HHIP: variants seen among roughly 807,000 people sequenced by gnomAD.
The protein encoded by HHIP is hedgehog interacting protein, also known as hedgehog-interacting protein.
Under a neutral mutation model 74.0 loss-of-function variants are expected in HHIP, and 12 were observed. The ratio of observed to expected loss-of-function variants is 0.16; its 90% confidence interval spans 0.10 to 0.26. The LOEUF (loss-of-function observed/expected upper bound fraction) is 0.26. Among genes scored for constraint, HHIP ranks in the 10% least tolerant of loss-of-function variants. The pLI, the probability that HHIP is intolerant of heterozygous loss-of-function variation, is 1.00. For missense variants in HHIP, 788 were observed against 845.0 expected (o/e 0.93, Z 0.84); for synonymous variants, 309 against 311.6 (o/e 0.99, Z 0.09).
chr4:144,702,305 G>T (rs1330470734), intron 4 of HHIP, among the ~76,000 whole-genome samples: 2 of 152,146 alleles, frequency 1.3e-5, no homozygotes, highest in Admixed American at 1.3e-4. Context: ...TCCCAAAGCT[G>T]CAACACTAGG....
At chr4:144,654,851 A>G (rs2126581418) in intron 2 of HHIP, 1 of 152,334 alleles carries the variant, frequency 6.6e-6, no homozygotes, top group East Asian at 1.9e-4. Flanking sequence ...AGAAGAAACT[A>G]ATCAACATAT....
At chr4:144,668,987 T>C (rs1036666648) in intron 4 of HHIP, among the ~76,000 whole-genome samples, 2 of 151,178 alleles carry the variant, frequency 1.3e-5, no homozygotes, top group African/African-American at 4.8e-5. Flanking sequence ...TTTGCACTTA[T>C]ATAATAAGTA....
intron 11 of HHIP, among the ~76,000 whole-genome samples, chr4:144,724,532 GTGTACAACATGATGTTT>G: frequency 6.6e-6 from 1 of 151,248 alleles, no homozygotes; most frequent in East Asian, 1.9e-4. Context: ...TATATTTACA[GTGTACAACATGATGTTT>G]TGATAAATGT....
intron 2 of HHIP, among the ~76,000 whole-genome samples, chr4:144,656,895 T>C (rs759412326): frequency 6.6e-6 from 1 of 152,142 alleles, no homozygotes; most frequent in Non-Finnish European, 1.5e-5. Flanking sequence ...GGAAAAGTGC[T>C]TCTAATCCTT....
intron 4 of HHIP, among the ~76,000 whole-genome samples, chr4:144,682,579 T>C (rs1463196819): frequency 2.6e-5 from 4 of 152,256 alleles, no homozygotes; most frequent in Non-Finnish European, 5.9e-5. Context: ...TCACTTCTCA[T>C]TGATATTTCA....
chr4:144,742,544 A>C lies in HHIP; in HGVS notation c.*4587A>C, dbSNP rs1412692680. The C allele has an allele frequency of 6.6e-6, 1 of 151,934 alleles. No homozygotes were observed. The highest frequency in any genetic ancestry group is 2.4e-5 in the African/African-American group (1 of 41,374). 9.4% of individuals were successfully genotyped at this position (151,934 alleles called of 1,614,324 possible). A position where few individuals can be genotyped will look rare whatever the true frequency, so the allele number is the denominator to read the frequency against. ...AATTATTCCAAATCTGTGAGGAAAA[A>C]ATAAGAAGCAGTTCCTCAATGGAGA... On this transcript the variant is annotated 3_prime_UTR_variant, in exon 13 of 13. Transcript: ENST00000296575.
chr4:144,685,132 G>A (rs913251756), intron 4 of HHIP, among the ~76,000 whole-genome samples: 10 of 152,180 alleles, frequency 6.6e-5, no homozygotes, highest in Non-Finnish European at 1.2e-4. Context: ...ATTTTCCTGC[G>A]TGTCAGCCTT....
chr4:144,684,546 T>C (rs1396544364), intron 4 of HHIP, among the ~76,000 whole-genome samples: 1 of 152,054 alleles, frequency 6.6e-6, no homozygotes, highest in African/African-American at 2.4e-5. Context: ...CCCAAAGTGC[T>C]GAGATTACAG....
intron 2 of HHIP, among the ~76,000 whole-genome samples, chr4:144,653,636 T>C (rs1728482438): frequency 6.6e-6 from 1 of 152,194 alleles, no homozygotes; most frequent in South Asian, 2.1e-4. Flanking sequence ...ACAAATCTAC[T>C]GAAGATTAAG....
At chr4:144,722,694 A>G (rs999879291) in intron 11 of HHIP, among the ~76,000 whole-genome samples, 12 of 152,204 alleles carry the variant, frequency 7.9e-5, no homozygotes, top group Non-Finnish European at 5.9e-5. Context: ...ATCTACTAAA[A>G]ATACAAAAAA....
rs540956770 is a variant in HHIP, at chr4:144,656,997, C to T, written c.473-1793C>T. Reference sequence around the variant, plus strand: ...GCTTGCCTCTTTTTCTCTGTGCCCCCCACCGCATGCATGTACACACACATA... The same window carrying T: ...GCTTGCCTCTTTTTCTCTGTGCCCCTCACCGCATGCATGTACACACACATA... On this transcript the variant is annotated intron_variant, in intron 2 of 12. Coordinates refer to ENST00000296575, the MANE Select transcript of HHIP (RefSeq NM_022475.3). Among the ~76,000 whole-genome samples, 13 of 152,042 alleles carry T rather than the reference C, an allele frequency of 8.6e-5. No homozygotes were observed. The East Asian group carries it at 2.3e-3, about 27-fold the overall frequency.
At chr4:144,697,866 C>A (rs1406719049) in intron 4 of HHIP, among the ~76,000 whole-genome samples, 1 of 152,038 alleles carries the variant, frequency 6.6e-6, no homozygotes, top group Non-Finnish European at 1.5e-5. Context: ...AAAATAGCCA[C>A]TTCCAATACG....
At chr4:144,729,924 A>C (rs1360216974) in intron 11 of HHIP, among the ~76,000 whole-genome samples, 1 of 152,206 alleles carries the variant, frequency 6.6e-6, no homozygotes, top group African/African-American at 2.4e-5. Flanking sequence ...TTTGTTAGAC[A>C]AAATAGATTT....
intron 2 of HHIP, among the ~76,000 whole-genome samples, chr4:144,656,709 A>G (rs962634048): frequency 1.6e-4 from 24 of 152,204 alleles, no homozygotes; most frequent in African/African-American, 5.8e-4. Flanking sequence ...CATGCATAAT[A>G]TAGGCATGGA....
chr4:144,715,785 T>C (rs929464526), intron 10 of HHIP, among the ~76,000 whole-genome samples: 3 of 152,232 alleles, frequency 2.0e-5, no homozygotes, highest in African/African-American at 4.8e-5. Context: ...TCTAAAAACC[T>C]TTCCATGTAT....
At chr4:144,681,219 T>C (rs1729329090) in intron 4 of HHIP, among the ~76,000 whole-genome samples, 1 of 152,192 alleles carries the variant, frequency 6.6e-6, no homozygotes, top group South Asian at 2.1e-4. Context: ...TTTTCAGGTG[T>C]ATATTAAGTC....
At chr4:144,721,672 G>T (rs919183485) in intron 11 of HHIP, among the ~76,000 whole-genome samples, 14 of 151,766 alleles carry the variant, frequency 9.2e-5, no homozygotes, top group African/African-American at 3.4e-4. Context: ...AGGCCAAGGT[G>T]GGTGGATCAC....
At chr4:144,698,681 A>G (rs1281504434) in intron 4 of HHIP, among the ~76,000 whole-genome samples, 1 of 152,194 alleles carries the variant, frequency 6.6e-6, no homozygotes, top group African/African-American at 2.4e-5. Context: ...AATTTTAATG[A>G]AAAGGGAGAA....
intron 4 of HHIP, among the ~76,000 whole-genome samples, chr4:144,681,748 C>A (rs1729351522): frequency 6.6e-6 from 1 of 152,218 alleles, no homozygotes; most frequent in Admixed American, 6.5e-5. Context: ...TCTTATCTCA[C>A]AGCAGCATGC....
Sources: allele counts gnomAD v4.1 joint callset (sites outside exome capture counted in the v4.1 genomes callset), GRCh38; gene constraint gnomAD v4.1.1; transcripts MANE v1.5; gene names NCBI Gene and HGNC (gene_info 2026-07-23, HGNC 2026-07-21).